Variants in KCNIP4 observed in about 807,000 individuals in gnomAD.
KCNIP4 encodes the protein Kv channel-interacting protein 4.
Under a neutral mutation model 34.0 loss-of-function variants are expected in KCNIP4, and 12 were observed. The ratio of observed to expected loss-of-function variants is 0.35; its 90% CI spans 0.23 to 0.57. The LOEUF is 0.57. Ranked by LOEUF, KCNIP4 falls within the 20% of genes least tolerant of loss-of-function variation. The pLI, the probability that KCNIP4 is intolerant of heterozygous loss-of-function variation, is 0.83. For missense variants in KCNIP4, 238 were observed against 311.7 expected (o/e 0.76, Z 1.78); for synonymous variants, 124 against 102.2 (o/e 1.21, Z -1.29).
intron 1 of KCNIP4, among the ~76,000 whole-genome samples, chr4:21,858,365 A>G (rs1193315165): frequency 6.6e-6 from 1 of 152,226 alleles, no homozygotes; most frequent in South Asian, 2.1e-4. Flanking sequence ...GGCTAGGAAA[A>G]AGTTTAATTT....
chr4:21,395,824 A>G (rs1560364128), intron 1 of KCNIP4, among the ~76,000 whole-genome samples: 1 of 152,114 alleles, frequency 6.6e-6, no homozygotes, highest in Non-Finnish European at 1.5e-5. Context: ...AACAACTATA[A>G]TGGATCTTGA....
At chr4:21,709,210 A>C (rs1713525944) in intron 1 of KCNIP4, among the ~76,000 whole-genome samples, 1 of 152,186 alleles carries the variant, frequency 6.6e-6, no homozygotes, top group Non-Finnish European at 1.5e-5. Context: ...AGAACAATAA[A>C]TGTCCTGACC....
At chr4:21,646,794 C>A (rs1303906071) in intron 1 of KCNIP4, among the ~76,000 whole-genome samples, 1 of 152,162 alleles carries the variant, frequency 6.6e-6, no homozygotes, top group Non-Finnish European at 1.5e-5. Flanking sequence ...GCAAATCAAT[C>A]ACATTCTACT....
At chr4:21,863,512 A>C (rs1300465952) in intron 1 of KCNIP4, among the ~76,000 whole-genome samples, 2 of 152,098 alleles carry the variant, frequency 1.3e-5, no homozygotes, top group Non-Finnish European at 2.9e-5. Context: ...TTTTTGATAG[A>C]TAGATGGGGA....
At chr4:21,661,858 A>G (rs919208699) in intron 1 of KCNIP4, among the ~76,000 whole-genome samples, 23 of 152,258 alleles carry the variant, frequency 1.5e-4, no homozygotes, top group African/African-American at 5.3e-4. Flanking sequence ...AGAAGAAAAT[A>G]CCAAACAATT....
chr4:21,817,366 T>C (rs1456743348), intron 1 of KCNIP4, among the ~76,000 whole-genome samples: 1 of 152,196 alleles, frequency 6.6e-6, no homozygotes, highest in Non-Finnish European at 1.5e-5. Context: ...TCAGGACCAC[T>C]GTGATAATTG....
At chr4:21,344,183 T>C (rs1447115884) in intron 1 of KCNIP4, among the ~76,000 whole-genome samples, 25 of 152,194 alleles carry the variant, frequency 1.6e-4, no homozygotes, top group Admixed American at 1.6e-3. Context: ...CTGATAAGTC[T>C]ATAGGACCAA....
intron 5 of KCNIP4, among the ~76,000 whole-genome samples, chr4:20,746,398 A>G (rs1752438616): frequency 6.6e-6 from 1 of 152,064 alleles, no homozygotes; most frequent in African/African-American, 2.4e-5. Context: ...GGGAGGGATA[A>G]TATTAGCAGA....
chr4:21,662,777 T>C (rs754360799), intron 1 of KCNIP4, among the ~76,000 whole-genome samples: 46 of 152,330 alleles, frequency 3.0e-4, no homozygotes, highest in Non-Finnish European at 5.9e-4. Context: ...ACATAAATAT[T>C]GTTTTATCAG....
chr4:21,105,374 C>A lies in KCNIP4; in HGVS notation c.62-222665G>T, dbSNP rs1197158471. Among the ~76,000 whole-genome samples, 9 of 151,610 alleles carry A rather than the reference C, an allele frequency of 5.9e-5. 1 individual carries two copies. The highest frequency in any genetic ancestry group is 2.0e-4 in the African/African-American group (8 of 40,886). On this transcript the variant is annotated intron_variant, in intron 1 of 8. Coordinates refer to ENST00000382152, the MANE Select transcript of KCNIP4 (RefSeq NM_025221.6). ...TTTGAAGCAATTGTGAATGGGAATTCACTCAGGATTTGGCTCTCTGTTTGT... is the reference window on the plus strand; with the variant it reads ...TTTGAAGCAATTGTGAATGGGAATTAACTCAGGATTTGGCTCTCTGTTTGT...
chr4:21,104,460 ATTTGTTTAAGTTC>A, intron 1 of KCNIP4, among the ~76,000 whole-genome samples: 1 of 152,034 alleles, frequency 6.6e-6, no homozygotes, highest in African/African-American at 2.4e-5. Flanking sequence ...TTTCTTGTAA[ATTTGTTTAAGTTC>A]TTTGTAGATT....
At chr4:21,882,891 T>C (rs1483748661) in intron 1 of KCNIP4, among the ~76,000 whole-genome samples, 1 of 152,164 alleles carries the variant, frequency 6.6e-6, no homozygotes, top group Non-Finnish European at 1.5e-5. Context: ...ACTATAGTTT[T>C]GCTAATGTAG....
In KCNIP4 at chr4:21,731,135, T is replaced by C. The variant is rs1261280051; in HGVS notation, c.61+217436A>G. ...GTCTCAAAAAAAAAAAAAAAATCCA[T>C]TGTGACAATAGACATTAGCCTTATG... On this transcript the variant is annotated intron_variant, in intron 1 of 8. Coordinates refer to ENST00000382152, the MANE Select transcript of KCNIP4 (RefSeq NM_025221.6). Among the ~76,000 whole-genome samples the C allele has an allele frequency of 2.7e-5, 4 of 148,994 alleles. No homozygotes were observed. In the South Asian group the frequency reaches 6.3e-4, roughly 24 times the overall value.
chr4:21,781,207 T>C (rs974274247), intron 1 of KCNIP4, among the ~76,000 whole-genome samples: 11 of 152,164 alleles, frequency 7.2e-5, no homozygotes, highest in African/African-American at 2.4e-4. Context: ...CAAAATCTGA[T>C]AGTTTTATAA....
chr4:21,334,535 A>G (rs557016674), intron 1 of KCNIP4, among the ~76,000 whole-genome samples: 3 of 152,200 alleles, frequency 2.0e-5, no homozygotes, highest in African/African-American at 7.2e-5. Flanking sequence ...TTTGCACATC[A>G]TAAAATTTAC....
At chr4:21,345,748 C>CTA (rs1560310675) in intron 1 of KCNIP4, among the ~76,000 whole-genome samples, 1 of 151,926 alleles carries the variant, frequency 6.6e-6, no homozygotes, top group Non-Finnish European at 1.5e-5. Flanking sequence ...GCAGAGAATG[C>CTA]ACAAATTAGA....
chr4:20,777,023 A>G (rs1317551403), intron 3 of KCNIP4, among the ~76,000 whole-genome samples: 9 of 152,152 alleles, frequency 5.9e-5, no homozygotes, highest in East Asian at 1.9e-4. Flanking sequence ...AATCTCCATT[A>G]TGATCATATT....
In KCNIP4 at chr4:21,656,475, T is replaced by TATTG. The variant is rs1747946509; in HGVS notation, c.61+292095_61+292096insCAAT. On this transcript the variant is annotated intron_variant, in intron 1 of 8. Coordinates refer to ENST00000382152, the MANE Select transcript of KCNIP4 (RefSeq NM_025221.6). ...TAACAGTCTCTTTTATTTATTTATT[T>TATTG]ATTTGCAGTTTAATAACTTTATTTG... 2 of 152,224 alleles carry TATTG rather than the reference T, an allele frequency of 1.3e-5. 1 individual carries two copies. Among genetic ancestry groups the TATTG allele is most frequent in the South Asian group, 4.1e-4 (2 of 4,834 alleles). The allele number at this position is 152,224 out of a possible 1,614,324, so 9.4% of individuals were successfully genotyped here. A position where few individuals can be genotyped will look rare whatever the true frequency, so the allele number is the denominator to read the frequency against.
At chr4:20,776,554 GA>G (rs1290981902) in intron 3 of KCNIP4, among the ~76,000 whole-genome samples, 1 of 152,106 alleles carries the variant, frequency 6.6e-6, no homozygotes, top group African/African-American at 2.4e-5. Context: ...ATGATTTTCT[GA>G]AAGAATTAGA....
Sources: gnomAD v4.1 joint callset for allele counts (sites outside exome capture counted in the v4.1 genomes callset) on GRCh38, gnomAD v4.1.1 for gene constraint, MANE v1.5 for transcripts, NCBI Gene and HGNC (gene_info 2026-07-23, HGNC 2026-07-21) for gene names.